Variants in ADARB1 observed in about 807,000 individuals in gnomAD.
ADARB1 encodes double-stranded RNA-specific editase 1.
A neutral mutation model predicts 52.4 loss-of-function variants in ADARB1; 10 were observed. The ratio of observed to expected loss-of-function variants is 0.19; its 90% CI spans 0.12 to 0.32. ADARB1 has a LOEUF of 0.32. Among genes scored for constraint, ADARB1 ranks in the 10% least tolerant of loss-of-function variants. The probability of loss-of-function intolerance (pLI) is 1.00; values close to 1 mark genes in which losing one functional copy is unlikely to be tolerated. For missense variants in ADARB1, 643 were observed against 922.3 expected (o/e 0.70, Z 3.92); for synonymous variants, 349 against 371.1 (o/e 0.94, Z 0.68).
chr21:45,109,294 ATATG>A (rs2087421154), intron 1 of ADARB1, among the ~76,000 whole-genome samples: 1 of 141,038 alleles, frequency 7.1e-6, no homozygotes, highest in African/African-American at 2.7e-5. Context: ...GCTTGTGCAT[ATATG>A]TGTGTGCACG....
intron 1 of ADARB1, among the ~76,000 whole-genome samples, chr21:45,081,687 G>A (rs899469674): frequency 6.6e-6 from 1 of 152,212 alleles, no homozygotes; most frequent in Non-Finnish European, 1.5e-5. Context: ...CATCAAGAGG[G>A]TGGCTCCTGG....
chr21:45,108,078 C>T (rs2087340113), intron 1 of ADARB1, among the ~76,000 whole-genome samples: 1 of 152,068 alleles, frequency 6.6e-6, no homozygotes, highest in South Asian at 2.1e-4. Context: ...ACAACTTTGC[C>T]TGACCAAAAA....
intron 1 of ADARB1, among the ~76,000 whole-genome samples, chr21:45,126,980 G>A (rs1410417044): frequency 6.6e-6 from 1 of 152,210 alleles, no homozygotes; most frequent in African/African-American, 2.4e-5. Flanking sequence ...CCTTTCTGCT[G>A]TGTTTTTCTT....
At position 45,152,291 on chromosome 21, in the gene ADARB1, C is replaced by G. The variant is rs561425601; in HGVS notation, c.-47-19319C>G. Among the ~76,000 whole-genome samples, 3 of 133,680 alleles carry G rather than the reference C, an allele frequency of 2.2e-5. No individual in the cohort carries two copies. The East Asian group carries it at 7.9e-4, about 35-fold the overall frequency. The allele number at this position is 133,680 out of a possible 152,430, so 87.7% of individuals were successfully genotyped here. A position where few individuals can be genotyped will look rare whatever the true frequency, so the allele number is the denominator to read the frequency against. On this transcript the variant is annotated intron_variant, in intron 2 of 10. Transcript: ENST00000348831. ...CGTCTGCTGTGGGAGATTTGTTTCC[C>G]TAGAAGATTCACGGCTGTCGTTCTC...
At chr21:45,167,395 G>T (rs1569105199) in intron 2 of ADARB1, among the ~76,000 whole-genome samples, 1 of 152,150 alleles carries the variant, frequency 6.6e-6, no homozygotes, top group Non-Finnish European at 1.5e-5. Context: ...ACCAATTATT[G>T]ATTAATTATG....
At chr21:45,076,021 G>A (rs1459273929) in intron 1 of ADARB1, among the ~76,000 whole-genome samples, 2 of 151,998 alleles carry the variant, frequency 1.3e-5, no homozygotes, top group Non-Finnish European at 1.5e-5. Context: ...ATGTTTTATT[G>A]CTTCGAAAGG....
chr21:45,077,665 TAAAA>T (rs1294862430), intron 1 of ADARB1, among the ~76,000 whole-genome samples: 1 of 137,076 alleles, frequency 7.3e-6, no homozygotes, highest in African/African-American at 2.7e-5. Context: ...AGACGCCGTC[TAAAA>T]AAAAAAAAAG....
At position 45,224,714 on chromosome 21, in the gene ADARB1, G is replaced by T. The variant is rs968578756; in HGVS notation, c.*2517G>T. The T allele has an allele frequency of 1.0e-6, 1 of 999,200 alleles. No individual in the cohort carries two copies. 61.9% of individuals were successfully genotyped at this position (999,200 alleles called of 1,614,324 possible). The stretch of plus-strand genomic sequence containing the variant: ...GCGGCTGTAGGAAGGAACTGGTTTC[G>T]GGGAGCCCTGGGCGGGGCGGCTGTG... On this transcript the variant is annotated 3_prime_UTR_variant, in exon 11 of 11. Coordinates refer to ENST00000348831, the MANE Select transcript of ADARB1 (RefSeq NM_001112.4).
chr21:45,163,853 C>T (rs1453009004), intron 2 of ADARB1, among the ~76,000 whole-genome samples: 1 of 152,174 alleles, frequency 6.6e-6, no homozygotes, highest in Non-Finnish European at 1.5e-5. Flanking sequence ...CCCATGCTTG[C>T]TGTGTTTGGT....
chr21:45,147,257 A>G (rs1285600054), intron 2 of ADARB1, among the ~76,000 whole-genome samples: 13 of 152,256 alleles, frequency 8.5e-5, no homozygotes, highest in Admixed American at 8.5e-4. Context: ...GTTTTCAAAT[A>G]CAGTAAGTGA....
At chr21:45,104,004 C>A in intron 1 of ADARB1, among the ~76,000 whole-genome samples, 1 of 152,122 alleles carries the variant, frequency 6.6e-6, no homozygotes, top group African/African-American at 2.4e-5. Context: ...GCACACTTAT[C>A]GAACCAGGCC....
intron 2 of ADARB1, chr21:45,132,374 A>T (rs2089002524): frequency 6.6e-6 from 1 of 152,254 alleles, no homozygotes; most frequent in Admixed American, 6.5e-5. Flanking sequence ...AGCCTCTGTC[A>T]TTCCAGAGAG....
In ADARB1 at chr21:45,175,966, A is replaced by G; in HGVS notation, c.265A>G (p.Ile89Val). 1 of 1,612,774 alleles carries G rather than the reference A, an allele frequency of 6.2e-7. No homozygotes were observed. Among genetic ancestry groups the G allele is most frequent in the Non-Finnish European group, 8.5e-7 (1 of 1,179,492 alleles). Residue 89 changes from isoleucine to valine, a missense_variant, in exon 4 of 11, where the codon ATC (isoleucine) becomes GTC (valine). Transcript: ENST00000348831. ...GAACGCCCTGATGCAGCTGAATGAG[A>G]TCAAGCCTGGTTTGCAGTACACACT... ...PKNALMQLNE[I>V]KPGLQYTLLS...
intron 2 of ADARB1, chr21:45,134,901 G>A (rs1477055656): frequency 7.9e-6 from 4 of 507,674 alleles, no homozygotes; most frequent in Non-Finnish European, 1.6e-5. Flanking sequence ...TTGACAGCTG[G>A]GTGAGTCCCC....
chr21:45,195,568 G>C (rs1310424703), intron 8 of ADARB1, among the ~76,000 whole-genome samples: 1 of 147,494 alleles, frequency 6.8e-6, no homozygotes, highest in Non-Finnish European at 1.5e-5. Context: ...CCTACTTTGA[G>C]TTAATTTTTG....
chr21:45,146,186 G>T (rs1020107413), intron 2 of ADARB1: 3 of 151,714 alleles, frequency 2.0e-5, no homozygotes, highest in Non-Finnish European at 4.4e-5. Flanking sequence ...CACTGCCTGT[G>T]GTGGGGTTAT....
At chr21:45,175,186 A>C (rs2091643460) in intron 3 of ADARB1, among the ~76,000 whole-genome samples, 1 of 152,246 alleles carries the variant, frequency 6.6e-6, no homozygotes, top group Non-Finnish European at 1.5e-5. Flanking sequence ...AATATTTTAA[A>C]CCTGAAAAAC....
At chr21:45,167,349 C>T (rs2091293892) in intron 2 of ADARB1, among the ~76,000 whole-genome samples, 1 of 152,128 alleles carries the variant, frequency 6.6e-6, no homozygotes, top group South Asian at 2.1e-4. Context: ...TTTTCCTGGT[C>T]CCAGAAATCT....
At chr21:45,114,577 A>C in intron 1 of ADARB1, among the ~76,000 whole-genome samples, 1 of 152,106 alleles carries the variant, frequency 6.6e-6, no homozygotes, top group East Asian at 1.9e-4. Flanking sequence ...ATTCAACATC[A>C]CTTAATTTTT....
Sources: allele counts gnomAD v4.1 joint callset (sites outside exome capture counted in the v4.1 genomes callset), GRCh38; gene constraint gnomAD v4.1.1; transcripts MANE v1.5; gene names NCBI Gene and HGNC (gene_info 2026-07-23, HGNC 2026-07-21).